Variants in UPK3BL2 observed in about 807,000 individuals in gnomAD.
UPK3BL2 encodes uroplakin-3b-like protein 2.
Under a neutral mutation model 11.3 loss-of-function variants are expected in UPK3BL2, and 1 was observed. The ratio of observed to expected loss-of-function variants is 0.09; its 90% confidence interval spans 0.03 to 0.42. UPK3BL2 has a LOEUF of 0.42. Among genes scored for constraint, UPK3BL2 ranks in the 10% least tolerant of loss-of-function variants. The pLI is 0.98.
At chr7:102,540,886 G>C (rs149511611) in intron 3 of UPK3BL2, among the ~76,000 whole-genome samples, 28 of 73,322 alleles carry the variant, frequency 3.8e-4, no homozygotes, top group African/African-American at 1.3e-3. Context: ...AGAAGAAAAG[G>C]AAAAAAAAAA....
chr7:102,543,027 AAAAAAGAAAAAG>A (rs200890504), intron 1 of UPK3BL2, among the ~76,000 whole-genome samples: 4 of 147,918 alleles, frequency 2.7e-5, no homozygotes, highest in Admixed American at 6.8e-5. Flanking sequence ...AAAGAAAGAA[AAAAAAGAAAAAG>A]AAAAAGAAAA....
At chr7:102,540,855 C>CAAAAAAAAAAAAAAAAAAA (rs1158192702) in intron 3 of UPK3BL2, among the ~76,000 whole-genome samples, 8 of 61,240 alleles carry the variant, frequency 1.3e-4, no homozygotes, top group East Asian at 4.1e-4. Context: ...AAAAACAAAA[C>CAAAAAAAAAAAAAAAAAAA]AAAAAAAAAA....
intron 1 of UPK3BL2, among the ~76,000 whole-genome samples, chr7:102,542,997 C>T (rs1296726915): frequency 8.5e-5 from 10 of 117,670 alleles, no homozygotes; most frequent in African/African-American, 2.6e-4. Context: ...GACTCTGTCT[C>T]GAAAAAAAAA....
At chr7:102,540,855 C>CAAAAAAAAACAAAAAAAAAAAAAAAAAAA (rs1800227070) in intron 3 of UPK3BL2, among the ~76,000 whole-genome samples, 2 of 61,260 alleles carry the variant, frequency 3.3e-5, no homozygotes, top group African/African-American at 9.6e-5. Flanking sequence ...AAAAACAAAA[C>CAAAAAAAAACAAAAAAAAAAAAAAAAAAA]AAAAAAAAAA....
intron 3 of UPK3BL2, among the ~76,000 whole-genome samples, chr7:102,540,874 A>AAATG: frequency 8.4e-6 from 1 of 119,650 alleles, no homozygotes; most frequent in African/African-American, 3.2e-5. Flanking sequence ...AAAAAAAAAA[A>AAATG]AAGAAGAAAA....
intron 3 of UPK3BL2, among the ~76,000 whole-genome samples, chr7:102,540,863 A>AC (rs1563689700): frequency 0.021 from 2,716 of 127,962 alleles, 13 homozygotes; most frequent in African/African-American, 0.083. Context: ...AACAAAAAAA[A>AC]AAAAAAAAAA....
intron 1 of UPK3BL2, chr7:102,542,645 C>T: frequency 7.2e-6 from 7 of 972,016 alleles, no homozygotes; most frequent in Non-Finnish European, 8.5e-6. Flanking sequence ...TTTCTTAGAG[C>T]TCTCAGTCCT....
chr7:102,542,997 C>CG (rs1433383922), intron 1 of UPK3BL2, among the ~76,000 whole-genome samples: 56 of 117,522 alleles, frequency 4.8e-4, no homozygotes, highest in Middle Eastern at 6.5e-3. Flanking sequence ...GACTCTGTCT[C>CG]GAAAAAAAAA....
chr7:102,543,048 A>C (rs1800339732), intron 1 of UPK3BL2, among the ~76,000 whole-genome samples: 2 of 151,672 alleles, frequency 1.3e-5, no homozygotes, highest in South Asian at 2.1e-4. Context: ...AGAAAAAGAA[A>C]AAGAGAAGCG....
intron 3 of UPK3BL2, among the ~76,000 whole-genome samples, chr7:102,540,859 A>ACAAAAC (rs1233258450): frequency 3.5e-5 from 4 of 113,900 alleles, no homozygotes; most frequent in African/African-American, 1.3e-4. Flanking sequence ...ACAAAACAAA[A>ACAAAAC]AAAAAAAAAA....
intron 3 of UPK3BL2, among the ~76,000 whole-genome samples, chr7:102,540,693 AAGT>A (rs1800213792): frequency 7.2e-6 from 1 of 139,584 alleles, no homozygotes; most frequent in Non-Finnish European, 1.6e-5. Context: ...AAAATACAAA[AAGT>A]AGTCGGGTGT....
At chr7:102,540,855 C>CAAAAAAAAAAAAAAAAAAAAAAAAA (rs1158192702) in intron 3 of UPK3BL2, among the ~76,000 whole-genome samples, 2 of 61,260 alleles carry the variant, frequency 3.3e-5, no homozygotes, top group African/African-American at 4.8e-5. Context: ...AAAAACAAAA[C>CAAAAAAAAAAAAAAAAAAAAAAAAA]AAAAAAAAAA....
chr7:102,539,477 A>AGGGG (rs1490705663), intron 5 of UPK3BL2, 129 bp downstream of exon 5: 45 of 48,938 alleles, frequency 9.2e-4, no homozygotes, highest in Middle Eastern at 8.5e-3. Context: ...TGCTGCCACC[A>AGGGG]GGGGGTGCAC....
intron 1 of UPK3BL2, among the ~76,000 whole-genome samples, chr7:102,543,081 G>T (rs1413318443): frequency 1.3e-5 from 2 of 150,754 alleles, no homozygotes; most frequent in Non-Finnish European, 3.0e-5. Flanking sequence ...ATTGGGGTTG[G>T]GGGCAGAGAT....
At chr7:102,538,266 TGA>T (rs1800149689), downstream of UPK3BL2, 1 of 375,920 alleles carries the variant, frequency 2.7e-6, no homozygotes, top group Non-Finnish European at 4.7e-6. Flanking sequence ...GGCGACAGAG[TGA>T]GACTCCGTCT....
intron 3 of UPK3BL2, among the ~76,000 whole-genome samples, chr7:102,540,875 A>AAAAAAAG (rs1800235916): frequency 1.7e-5 from 2 of 118,876 alleles, no homozygotes; most frequent in East Asian, 2.4e-4. Context: ...AAAAAAAAAA[A>AAAAAAAG]AGAAGAAAAG....
At chr7:102,541,892 G>T in intron 1 of UPK3BL2, among the ~76,000 whole-genome samples, 1 of 152,080 alleles carries the variant, frequency 6.6e-6, no homozygotes, top group Non-Finnish European at 1.5e-5. Flanking sequence ...AGCCTACTGG[G>T]GGTGGGCACT....
intron 1 of UPK3BL2, chr7:102,542,398 GAC>G: frequency 1.0e-6 from 1 of 981,566 alleles, no homozygotes; most frequent in Non-Finnish European, 1.2e-6. Flanking sequence ...CCCCAAAGGG[GAC>G]TCAGGATTGG....
At chr7:102,542,649 C>T in intron 1 of UPK3BL2, 6 of 972,930 alleles carry the variant, frequency 6.2e-6, no homozygotes, top group Non-Finnish European at 7.3e-6. Context: ...TTAGAGCTCT[C>T]AGTCCTATCT....
Sources: gnomAD v4.1 joint callset for allele counts (sites outside exome capture counted in the v4.1 genomes callset) on GRCh38, gnomAD v4.1.1 for gene constraint, MANE v1.5 for transcripts, NCBI Gene and HGNC (gene_info 2026-07-23, HGNC 2026-07-21) for gene names.